The following ZNF75D variants were observed in gnomAD, a reference collection of about 807,000 sequenced individuals.
ZNF75D encodes the protein zinc finger protein 75D, also known as zinc finger protein 75.
Under a neutral mutation model 33.3 loss-of-function variants are expected in ZNF75D, and 33 were observed. That is an observed-to-expected ratio of 0.99 (90% CI 0.75 to 1.32). ZNF75D has a LOEUF of 1.32. Ranked by LOEUF, ZNF75D falls within the 40% of genes most tolerant of loss-of-function variation. The pLI is 0.00. For missense variants in ZNF75D, 338 were observed against 367.5 expected, an observed-to-expected ratio of 0.92 and a Z score of 0.66; for synonymous variants, 113 against 130.6, an observed-to-expected ratio of 0.87 and a Z score of 0.92.
intron 6 of ZNF75D, among the ~76,000 whole-genome samples, chrX:135,289,294 G>A (rs1442693776): frequency 8.9e-6 from 1 of 112,236 alleles, no homozygotes; most frequent in Non-Finnish European, 1.9e-5. Flanking sequence ...CTATTGCAGA[G>A]GCATTTTGCA....
chrX:135,297,726 T>A (rs1556423463), intron 1 of ZNF75D: 1 of 111,786 alleles, frequency 8.9e-6, no homozygotes, highest in Non-Finnish European at 1.9e-5. Flanking sequence ...AAACCAAGAA[T>A]GCGTAATTTT....
At chrX:135,314,703 G>A (rs1159432310) in intron 1 of ZNF75D, among the ~76,000 whole-genome samples, 2 of 111,483 alleles carry the variant, frequency 1.8e-5, no homozygotes, top group Non-Finnish European at 3.8e-5. Context: ...ATTCAAGCTG[G>A]GCAGGTTGTA....
intron 1 of ZNF75D, among the ~76,000 whole-genome samples, chrX:135,278,530 T>C (rs1170436984): frequency 9.0e-6 from 1 of 111,174 alleles, no homozygotes; most frequent in African/African-American, 3.3e-5. Flanking sequence ...CTATGTTGAA[T>C]AGGAGTGGTG....
At chrX:135,288,374 T>C (rs782693719) in intron 6 of ZNF75D, among the ~76,000 whole-genome samples, 4 of 112,709 alleles carry the variant, frequency 3.5e-5, no homozygotes, top group Non-Finnish European at 7.5e-5. Flanking sequence ...CTGCTCTTTT[T>C]TACATTTTCC....
At chrX:135,312,466 G>C (rs782077924) in intron 1 of ZNF75D, among the ~76,000 whole-genome samples, 3 of 112,067 alleles carry the variant, frequency 2.7e-5, no homozygotes, top group African/African-American at 9.7e-5. Context: ...TGCGAGTGCA[G>C]GTATCCCTTT....
At chrX:135,307,783 A>G (rs781870372) in intron 1 of ZNF75D, among the ~76,000 whole-genome samples, 17 of 112,180 alleles carry the variant, frequency 1.5e-4, no homozygotes, top group Non-Finnish European at 1.5e-4. Context: ...CACTCCATTT[A>G]CATGAACTGT....
intron 1 of ZNF75D, among the ~76,000 whole-genome samples, chrX:135,322,185 T>C (rs782799499): frequency 8.9e-6 from 1 of 112,182 alleles, no homozygotes; most frequent in Non-Finnish European, 1.9e-5. Context: ...GTGTACTTTA[T>C]TCATCCATTG....
intron 1 of ZNF75D, among the ~76,000 whole-genome samples, chrX:135,308,973 C>T (rs889260772): frequency 6.3e-5 from 7 of 111,712 alleles, no homozygotes; most frequent in Admixed American, 2.9e-4. Flanking sequence ...TGAAGAAATA[C>T]AGATGTAAAA....
At chrX:135,261,451 A>G (rs782283351) in intron 1 of ZNF75D, among the ~76,000 whole-genome samples, 3 of 111,883 alleles carry the variant, frequency 2.7e-5, no homozygotes, top group Non-Finnish European at 5.6e-5. Context: ...GCAGGTCTCT[A>G]AGGACTTGCT....
chrX:135,257,618 C>T (rs1021870576), intron 1 of ZNF75D, among the ~76,000 whole-genome samples: 1 of 112,795 alleles, frequency 8.9e-6, no homozygotes, highest in African/African-American at 3.2e-5. Context: ...TGACCTTGGG[C>T]AAGGCCCACT....
At chrX:135,309,153 G>T (rs1556426734) in intron 1 of ZNF75D, among the ~76,000 whole-genome samples, 1 of 111,919 alleles carries the variant, frequency 8.9e-6, no homozygotes, top group Non-Finnish European at 1.9e-5. Flanking sequence ...TAATGCGAAT[G>T]TAAGAATTAC....
chrX:135,304,644 G>A (rs782755076), intron 1 of ZNF75D, among the ~76,000 whole-genome samples: 5 of 112,211 alleles, frequency 4.5e-5, no homozygotes, highest in African/African-American at 9.7e-5. Context: ...ATGTTCCTTC[G>A]ACGGCTAACC....
In ZNF75D at chrX:135,287,508, T is replaced by C; in HGVS notation, c.1162A>G (p.Thr388Ala). ...TGACATTTATAGGGTTTCTCTCCAG[T>C]GTGAATTCTGTGGTGTTTAATAAGA... ...SDLIKHHRIH[T>A]GEKPYKCQQC... Residue 388 changes from threonine to alanine, a missense_variant, in exon 7 of 7, where the codon ACT (threonine) becomes GCT (alanine). Coordinates refer to ENST00000370766, the MANE Select transcript of ZNF75D (RefSeq NM_007131.5). 2.5e-6 allele frequency: 3 copies of C among 1,211,503 alleles called. No homozygotes were observed. Among genetic ancestry groups the C allele is most frequent in the Non-Finnish European group, 3.4e-6 (3 of 895,242 alleles).
chrX:135,331,130 T>C, intron 1 of ZNF75D, among the ~76,000 whole-genome samples: 1 of 111,598 alleles, frequency 9.0e-6, no homozygotes, highest in Non-Finnish European at 1.9e-5. Context: ...GAGAGCACCA[T>C]TTAGAAACTA....
chrX:135,291,180 A>T, intron 5 of ZNF75D, 45 bp from the exon 6 acceptor site: 1 of 1,199,128 alleles, frequency 8.3e-7, no homozygotes. Context: ...CCACTTCAGA[A>T]GCTGTCCTAC....
intron 1 of ZNF75D, among the ~76,000 whole-genome samples, chrX:135,261,687 C>T (rs782033537): frequency 2.0e-3 from 221 of 111,426 alleles, no homozygotes; most frequent in Non-Finnish European, 3.3e-3. Flanking sequence ...AGCCTATGTG[C>T]GTCTCTGCAC....
Position 135,294,190 on chromosome X carries a change from GT to G in ZNF75D, c.-51del. 9.4e-7 allele frequency: 1 copy of G among 1,067,859 alleles called. No individual in the cohort carries two copies. The highest frequency in any genetic ancestry group is 1.3e-6 in the Non-Finnish European group (1 of 792,609). The allele number at this position is 1,067,859 out of a possible 1,213,427, so 88.0% of individuals were successfully genotyped here. On this transcript the variant is annotated 5_prime_UTR_variant, in exon 3 of 7. It removes the in-frame stop codon of an upstream open reading frame in the 5' UTR. Transcript: ENST00000370766. Reference sequence around the variant, plus strand: ...TGTATGTGACACTGACACCCACCTGGTACCACCTTTGACAAATCAGGGTGCA... The same window carrying G: ...TGTATGTGACACTGACACCCACCTGGACCACCTTTGACAAATCAGGGTGCA...
chrX:135,292,136 A>G, intron 4 of ZNF75D, 145 bp downstream of exon 4: 2 of 541,036 alleles, frequency 3.7e-6, no homozygotes, highest in Non-Finnish European at 6.1e-6. Context: ...CCCACCTTCA[A>G]CCACCATCAA....
chrX:135,267,281 T>C (rs782648229), intron 1 of ZNF75D, among the ~76,000 whole-genome samples: 54 of 110,877 alleles, frequency 4.9e-4, no homozygotes, highest in Admixed American at 1.1e-3. Context: ...AATAAACGAA[T>C]GTGAAAAATG....
Sources: gnomAD v4.1 joint callset for allele counts (sites outside exome capture counted in the v4.1 genomes callset) on GRCh38, gnomAD v4.1.1 for gene constraint, MANE v1.5 for transcripts, NCBI Gene and HGNC (gene_info 2026-07-23, HGNC 2026-07-21) for gene names.